CAD: variants seen among roughly 807,000 people sequenced by gnomAD.
The protein encoded by CAD is carbamoyl-phosphate synthetase 2, aspartate transcarbamylase, and dihydroorotase.
In CAD, 81 loss-of-function variants were observed where a neutral mutation model predicts 237.2. The observed-to-expected ratio is 0.34, with a 90% confidence interval of 0.29 to 0.41. The LOEUF is 0.41. CAD is among the 10% of genes least tolerant of loss of function. The probability of loss-of-function intolerance (pLI) is 1.00; values close to 1 mark genes in which losing one functional copy is unlikely to be tolerated. For synonymous variants in CAD, 1,196 were observed against 1,162.8 expected, an observed-to-expected ratio of 1.03 and a Z score of -0.58; for missense variants, 2,181 against 2,951.7, an observed-to-expected ratio of 0.74 and a Z score of 6.05.
In CAD at chr2:27,217,598, C is replaced by G; in HGVS notation, c.47C>G (p.Pro16Arg). The change falls in exon 1 of 44, where the codon CCC (proline) becomes CGC (arginine). Residue 16 changes from proline (P) to arginine (R), a missense_variant. Transcript: ENST00000264705. ...GACGGGTCGGTCCTGCGGGGCCAGC[C>G]CTTTGGGGCCGCCGTGTCGACTGCC... ...LEDGSVLRGQPFGAAVSTAGE... is the reference protein window; with the variant it reads ...LEDGSVLRGQRFGAAVSTAGE... 6.2e-7 allele frequency: 1 copy of G among 1,608,786 alleles called. No homozygotes were observed. Among genetic ancestry groups the G allele is most frequent in the South Asian group, 1.1e-5 (1 of 90,044 alleles).
In CAD at chr2:27,232,872, C is replaced by T. The variant is rs957496799; in HGVS notation, c.2893-170C>T. Among the ~76,000 whole-genome samples the T allele has an allele frequency of 1.3e-5, 2 of 152,244 alleles. No individual in the cohort carries two copies. Among genetic ancestry groups the T allele is most frequent in the Middle Eastern group, 3.4e-3 (1 of 294 alleles). On this transcript the variant is annotated intron_variant, in intron 18 of 43. Coordinates refer to ENST00000264705, the MANE Select transcript of CAD (RefSeq NM_004341.5). This position sits in a 1 kb window ranked among gnomAD's most constrained non-coding sequence, Gnocchi z 4.1. ...CCCACACGGTATATGAATCTCTTCC[C>T]CAACACTTTGTACCTCCTTCCCTCC...
chr2:27,242,672 G>C lies in CAD; in HGVS notation c.6275G>C (p.Cys2092Ser). The change falls in exon 41 of 44, where the codon TGC becomes TCC. Residue 2092 changes from cysteine (C) to serine (S), a missense_variant. Cys to Ser is a moderately radical substitution (Grantham distance 112, BLOSUM62 -1). Around this residue, in one of 12 missense-constraint regions of CAD, gnomAD observed 170 missense variants for 212.1 expected, o/e 0.80. Coordinates refer to ENST00000264705, the MANE Select transcript of CAD (RefSeq NM_004341.5). The surrounding 1 kb of genome is among the most constrained non-coding windows in gnomAD (Gnocchi z 6.4). ...GGACGCACAGTACATTCCCTGGCCT[G>C]CCTGCTCACCCAGTATCGTGTCAGC... is the stretch of plus-strand genomic sequence containing the variant. ...KHGRTVHSLA[C>S]LLTQYRVSLR... 6.2e-7 allele frequency: 1 copy of C among 1,613,534 alleles called. No homozygotes were observed. The highest frequency in any genetic ancestry group is 8.5e-7 in the Non-Finnish European group (1 of 1,179,630).
chr2:27,231,621 C>T (rs755559101), intron 16 of CAD, 41 bp downstream of exon 16: 4 of 1,221,364 alleles, frequency 3.3e-6, no homozygotes, highest in Non-Finnish European at 4.8e-6. Flanking sequence ...CTAAAATAGA[C>T]CCTGCTTCTC....
Position 27,240,865 on chromosome 2 carries a change from A to G in CAD, c.5594-46A>G. On this transcript the variant is annotated intron_variant, in intron 35 of 43. Transcript: ENST00000264705. This position sits in a 1 kb window ranked among gnomAD's most constrained non-coding sequence, Gnocchi z 4.6. ...TCCTGGGAATATGGGGTTTCTTTCC[A>G]AACCTCAGCCATAAATGTATATCTG... The G allele has an allele frequency of 6.2e-7, 1 of 1,605,742 alleles. No individual in the cohort carries two copies. The highest frequency in any genetic ancestry group is 8.5e-7 in the Non-Finnish European group (1 of 1,172,538).
intron 2 of CAD, among the ~76,000 whole-genome samples, chr2:27,220,055 A>G (rs1250165577): frequency 6.6e-6 from 1 of 152,106 alleles, no homozygotes; most frequent in Non-Finnish European, 1.5e-5. Flanking sequence ...CTTGTTTTCT[A>G]GCTCCCTAAG....
At position 27,232,296 on chromosome 2, in the gene CAD, G is replaced by A; in HGVS notation, c.2645+72G>A. ...ACCTTTGTATCAGTGAGGGACCCTT[G>A]GGAGGGAGGAAGGAGAGTGTGGGAG... is the stretch of plus-strand genomic sequence containing the variant. On this transcript the variant is annotated intron_variant, in intron 17 of 43. Transcript: ENST00000264705. This position sits in a 1 kb window ranked among gnomAD's most constrained non-coding sequence, Gnocchi z 4.1. The A allele has an allele frequency of 1.3e-6, 2 of 1,594,178 alleles. No homozygotes were observed. Among genetic ancestry groups the A allele is most frequent in the Non-Finnish European group, 8.5e-7 (1 of 1,170,884 alleles).
chr2:27,243,366 C>G, intron 43 of CAD, 50 bp from the exon 44 acceptor site: 1 of 1,601,994 alleles, frequency 6.2e-7, no homozygotes, highest in Non-Finnish European at 8.5e-7. Flanking sequence ...GACAAGCCAT[C>G]CATGGGCTGC....
In CAD at chr2:27,243,270, A is replaced by G; in HGVS notation, c.6553A>G (p.Met2185Val). ...AKKKMVVMHP[M>V]PRVNEISVEV... ...GAAGAAGATGGTGGTGATGCACCCGATGCCCCGTGTCAACGAGATAAGGTG... is the reference window on the plus strand; with the variant it reads ...GAAGAAGATGGTGGTGATGCACCCGGTGCCCCGTGTCAACGAGATAAGGTG... Residue 2185 changes from methionine to valine, a missense_variant, in exon 43 of 44, where the codon ATG becomes GTG. Physicochemically the swap from Met to Val is conservative, Grantham distance 21. Around this residue, in one of 12 missense-constraint regions of CAD, gnomAD observed 170 missense variants for 212.1 expected, o/e 0.80. Coordinates refer to ENST00000264705, the MANE Select transcript of CAD (RefSeq NM_004341.5). The G allele has an allele frequency of 6.2e-7, 1 of 1,613,926 alleles. No individual in the cohort carries two copies. Among genetic ancestry groups the G allele is most frequent in the African/African-American group, 1.3e-5 (1 of 74,978 alleles).
At chr2:27,217,714 G>T in intron 1 of CAD, 81 bp downstream of exon 1, 1 of 1,430,018 alleles carries the variant, frequency 7.0e-7, no homozygotes, top group East Asian at 2.5e-5. Flanking sequence ...TCCAGACCCC[G>T]CCATTTTCCC....
chr2:27,229,736 C>T (rs1675631610), intron 15 of CAD, among the ~76,000 whole-genome samples: 1 of 151,780 alleles, frequency 6.6e-6, no homozygotes, highest in Non-Finnish European at 1.5e-5. Context: ...ATTAGCTAGG[C>T]ATGGTGGCAC....
At position 27,242,231 on chromosome 2, in the gene CAD, C is replaced by A; in HGVS notation, c.6097-71C>A. On this transcript the variant is annotated intron_variant, in intron 39 of 43. Coordinates refer to ENST00000264705, the MANE Select transcript of CAD (RefSeq NM_004341.5). This position sits in a 1 kb window ranked among gnomAD's most constrained non-coding sequence, Gnocchi z 6.4. ...TTTTGGGCCAGATGAGTGAGGGGAC[C>A]CCAGAAGAGGGGGACTGGCAGTTGG... 1.9e-6 allele frequency: 3 copies of A among 1,582,174 alleles called. No homozygotes were observed. The highest frequency in any genetic ancestry group is 8.6e-7 in the Non-Finnish European group (1 of 1,160,992).
chr2:27,222,761 A>C (rs1052710046), intron 5 of CAD, 101 bp downstream of exon 5: 95 of 1,574,910 alleles, frequency 6.0e-5, no homozygotes, highest in Non-Finnish European at 7.7e-5. Flanking sequence ...TGCAGTGAAG[A>C]AGATAGACAT....
rs778120732 is a variant in CAD, at chr2:27,235,635, G to A, written c.4069G>A (p.Val1357Ile). ...AGCTGACTTCTACACTGAGCATGGCGTCAAGGTGCAGGAACTCTGGCAACC... is the reference window on the plus strand; with the variant it reads ...AGCTGACTTCTACACTGAGCATGGCATCAAGGTGCAGGAACTCTGGCAACC... ...GTADFYTEHG[V>I]KVTAVDWHFE... The change falls in exon 25 of 44, where the codon GTC (valine) becomes ATC (isoleucine). Residue 1357 changes from valine to isoleucine, a missense_variant. By Grantham distance (29) the Val-to-Ile change is conservative. Around this residue, in one of 12 missense-constraint regions of CAD, gnomAD observed 306 missense variants for 607.9 expected, o/e 0.50. Transcript: ENST00000264705. This position sits in a 1 kb window ranked among gnomAD's most constrained non-coding sequence, Gnocchi z 5.2. The A allele has an allele frequency of 3.7e-6, 6 of 1,613,856 alleles. No individual in the cohort carries two copies. Among genetic ancestry groups the A allele is most frequent in the African/African-American group, 2.7e-5 (2 of 75,036 alleles).
chr2:27,218,168 G>C (rs1674966014), intron 2 of CAD, 152 bp downstream of exon 2: 2 of 650,204 alleles, frequency 3.1e-6, no homozygotes, highest in South Asian at 4.8e-5. Flanking sequence ...ACTAGTAACT[G>C]TAGTTAGGGG....
At chr2:27,234,779 A>C in intron 23 of CAD, 94 bp downstream of exon 23, 12 of 1,196,796 alleles carry the variant, frequency 1.0e-5, no homozygotes, top group Non-Finnish European at 1.4e-5. Context: ...CCAGGCACTG[A>C]CTGCAAGGCA....
chr2:27,242,106 C>G lies in CAD; in HGVS notation c.6079C>G (p.Gln2027Glu), dbSNP rs766975615. 2 of 1,612,910 alleles carry G rather than the reference C, an allele frequency of 1.2e-6. No homozygotes were observed. The highest frequency in any genetic ancestry group is 2.7e-5 in the African/African-American group (2 of 75,026). The stretch of plus-strand genomic sequence containing the variant: ...CGACGTCGTCGTGCTCCGGCACCCC[C>G]AGCCTGGAGCAGTGGAGGTGAGGCC... Reference protein sequence around the residue: ...YADVVVLRHPQPGAVELAAKH... With the variant: ...YADVVVLRHPEPGAVELAAKH... The change falls in exon 39 of 44, where the codon CAG becomes GAG. Residue 2027 changes from glutamine (Q) to glutamate (E), a missense_variant. Physicochemically the swap from Gln to Glu is conservative, Grantham distance 29. Coordinates refer to ENST00000264705, the MANE Select transcript of CAD (RefSeq NM_004341.5). The surrounding 1 kb of genome is among the most constrained non-coding windows in gnomAD (Gnocchi z 6.4).
chr2:27,242,104 C>G lies in CAD; in HGVS notation c.6077C>G (p.Pro2026Arg), dbSNP rs1198557289. 1 of 1,612,772 alleles carries G rather than the reference C, an allele frequency of 6.2e-7. No individual in the cohort carries two copies. Among genetic ancestry groups the G allele is most frequent in the Non-Finnish European group, 8.5e-7 (1 of 1,179,986 alleles). Reference sequence around the variant, plus strand: ...GCCGACGTCGTCGTGCTCCGGCACCCCCAGCCTGGAGCAGTGGAGGTGAGG... The same window carrying G: ...GCCGACGTCGTCGTGCTCCGGCACCGCCAGCCTGGAGCAGTGGAGGTGAGG... Reference protein sequence around the residue: ...CYADVVVLRHPQPGAVELAAK... With the variant: ...CYADVVVLRHRQPGAVELAAK... Residue 2026 changes from proline to arginine, a missense_variant, in exon 39 of 44, where the codon CCC becomes CGC. This residue lies in a region of CAD where 203 missense variants were observed against 284.5 expected (regional missense o/e 0.71). Coordinates refer to ENST00000264705, the MANE Select transcript of CAD (RefSeq NM_004341.5). This position sits in a 1 kb window ranked among gnomAD's most constrained non-coding sequence, Gnocchi z 6.4.
At position 27,237,464 on chromosome 2, in the gene CAD, T is replaced by C; in HGVS notation, c.4482T>C (p.Ala1494=). The change falls in exon 28 of 44, where the codon GCT becomes GCC. Residue 1494 remains alanine (A), a synonymous_variant. Coordinates refer to ENST00000264705, the MANE Select transcript of CAD (RefSeq NM_004341.5). The surrounding 1 kb of genome is among the most constrained non-coding windows in gnomAD (Gnocchi z 4.0). Reference sequence around the variant, plus strand: ...CTTCAGGCACAGCCGCTGCCCTGGCTGGGGGTATCACCATGGTGTGTGCCA... The same window carrying C: ...CTTCAGGCACAGCCGCTGCCCTGGCCGGGGGTATCACCATGGTGTGTGCCA... ...DFASGTAAAL[A]GGITMVCAMP... 1 of 1,614,220 alleles carries C rather than the reference T, an allele frequency of 6.2e-7. No individual in the cohort carries two copies. Among genetic ancestry groups the C allele is most frequent in the East Asian group, 2.2e-5 (1 of 44,884 alleles).
Position 27,243,697 on chromosome 2 carries a change from G to A in CAD, c.*179G>A. 2 of 607,698 alleles carry A rather than the reference G, an allele frequency of 3.3e-6. No homozygotes were observed. The highest frequency in any genetic ancestry group is 2.0e-5 in the South Asian group (1 of 49,494). The allele number at this position is 607,698 out of a possible 1,614,324, so 37.6% of individuals were successfully genotyped here. On this transcript the variant is annotated 3_prime_UTR_variant, in exon 44 of 44. Transcript: ENST00000264705. ...CATGGGGGTGGGGCCTCAGATGCTG[G>A]GGCCCAGTCTGCCCCATCTTCATTC...
Sources: gnomAD v4.1 joint callset for allele counts (sites outside exome capture counted in the v4.1 genomes callset) on GRCh38, gnomAD v4.1.1 for gene constraint, gnomAD v4.1.1 regional missense constraint, Gnocchi (gnomAD v3.1) non-coding constraint, MANE v1.5 for transcripts, NCBI Gene and HGNC (gene_info 2026-07-23, HGNC 2026-07-21) for gene names.